The following MELK variants were observed in gnomAD, a reference collection of about 807,000 sequenced individuals.
MELK encodes the protein pEg3 kinase.
Under a neutral mutation model 85.0 loss-of-function variants are expected in MELK, and 81 were observed. The observed-to-expected ratio is 0.95, with a 90% CI of 0.80 to 1.15. MELK has a LOEUF of 1.15. MELK is among the 50% of genes most tolerant of loss of function. The pLI, the probability that MELK is intolerant of heterozygous loss-of-function variation, is 0.00. For missense variants in MELK, 754 were observed against 777.5 expected (o/e 0.97, Z 0.36); for synonymous variants, 252 against 265.0 (o/e 0.95, Z 0.48).
chr9:36,591,534 A>C (rs943800010), intron 4 of MELK, among the ~76,000 whole-genome samples: 1 of 152,118 alleles, frequency 6.6e-6, no homozygotes, highest in Non-Finnish European at 1.5e-5. Flanking sequence ...AGATCATGCC[A>C]CTGCACTCCA....
intron 4 of MELK, 88 bp downstream of exon 4, chr9:36,589,740 AGAG>A: frequency 1.0e-6 from 1 of 954,442 alleles, no homozygotes; most frequent in Non-Finnish European, 1.6e-6. Context: ...AAAGATTAGA[AGAG>A]ATGTTAAGCG....
In MELK at chr9:36,642,331, C is replaced by T. The variant is rs1829829079; in HGVS notation, c.835-666C>T. 2.0e-5 allele frequency among the ~76,000 whole-genome samples: 3 copies of T among 151,478 alleles called. No individual in the cohort carries two copies. The South Asian group carries it at 6.2e-4, about 32-fold the overall frequency. Reference sequence around the variant, plus strand: ...GTTGTATAGCCACTGATTTTAGATGCCTAGGTGGCTGCTCTTTGATGAAAA... The same window carrying T: ...GTTGTATAGCCACTGATTTTAGATGTCTAGGTGGCTGCTCTTTGATGAAAA... On this transcript the variant is annotated intron_variant, in intron 10 of 17. Coordinates refer to ENST00000298048, the MANE Select transcript of MELK (RefSeq NM_014791.4).
intron 17 of MELK, among the ~76,000 whole-genome samples, chr9:36,676,806 G>C (rs73645819): frequency 0.019 from 2,915 of 152,302 alleles, 83 homozygotes; most frequent in African/African-American, 0.063. Context: ...GAATGTTGTG[G>C]AAATGCCCAA....
chr9:36,659,763 G>A (rs1345020565), intron 13 of MELK, among the ~76,000 whole-genome samples: 1 of 152,084 alleles, frequency 6.6e-6, no homozygotes, highest in African/African-American at 2.4e-5. Context: ...GTCAGCTTGA[G>A]GTGAGATCTT....
At chr9:36,600,167 C>T (rs1194748673) in intron 7 of MELK, among the ~76,000 whole-genome samples, 1 of 151,594 alleles carries the variant, frequency 6.6e-6, no homozygotes. Context: ...GATCTTGGCT[C>T]ACTGCAACCT....
chr9:36,654,022 C>CTTATTA (rs1830977400), intron 12 of MELK, among the ~76,000 whole-genome samples: 1 of 62,138 alleles, frequency 1.6e-5, no homozygotes, highest in African/African-American at 6.1e-5. Flanking sequence ...AGGGAGATAT[C>CTTATTA]CTGCATGGTT....
intron 8 of MELK, among the ~76,000 whole-genome samples, chr9:36,608,657 C>T (rs867815105): frequency 3.3e-5 from 5 of 152,058 alleles, no homozygotes; most frequent in African/African-American, 9.7e-5. Context: ...TCTTGGCTCA[C>T]CGCAACCTCT....
At chr9:36,578,816 T>C (rs184372227) in intron 1 of MELK, among the ~76,000 whole-genome samples, 15 of 152,184 alleles carry the variant, frequency 9.9e-5, no homozygotes, top group African/African-American at 3.4e-4. Flanking sequence ...TTATTTTTAT[T>C]TCAGTATTTA....
chr9:36,613,443 G>A lies in MELK; in HGVS notation c.666+5770G>A, dbSNP rs553785347. Among the ~76,000 whole-genome samples, 9 of 152,314 alleles carry A rather than the reference G, an allele frequency of 5.9e-5. No individual in the cohort carries two copies. In the East Asian group the frequency reaches 1.3e-3, roughly 23 times the overall value. On this transcript the variant is annotated intron_variant, in intron 8 of 17. Transcript: ENST00000298048. ...AAACAGATGAAAGATCCCTGTCCTC[G>A]TGGAGTTTATCTTCTAGTAGTGGGG...
At chr9:36,628,444 G>A (rs972681992) in intron 8 of MELK, among the ~76,000 whole-genome samples, 5 of 151,108 alleles carry the variant, frequency 3.3e-5, no homozygotes, top group Non-Finnish European at 7.4e-5. Context: ...TTTTTGAGAC[G>A]GAATCTTGCT....
At chr9:36,604,669 G>A (rs1405870152) in intron 7 of MELK, among the ~76,000 whole-genome samples, 7 of 151,296 alleles carry the variant, frequency 4.6e-5, no homozygotes, top group African/African-American at 4.8e-5. Context: ...TTTGAGACAG[G>A]GTCTCACTCT....
chr9:36,598,889 A>G (rs1269175092), intron 6 of MELK, among the ~76,000 whole-genome samples: 1 of 152,218 alleles, frequency 6.6e-6, no homozygotes, highest in Non-Finnish European at 1.5e-5. Flanking sequence ...GAATCCAGAG[A>G]AGCAGAGACC....
intron 1 of MELK, among the ~76,000 whole-genome samples, chr9:36,578,817 T>A (rs893488291): frequency 1.1e-4 from 16 of 152,088 alleles, no homozygotes; most frequent in African/African-American, 3.6e-4. Flanking sequence ...TATTTTTATT[T>A]CAGTATTTAG....
intron 6 of MELK, among the ~76,000 whole-genome samples, chr9:36,598,764 A>G (rs1340870820): frequency 6.6e-6 from 1 of 152,108 alleles, no homozygotes; most frequent in Non-Finnish European, 1.5e-5. Flanking sequence ...AAAGACGTGG[A>G]TGCTTGGATA....
intron 8 of MELK, among the ~76,000 whole-genome samples, chr9:36,625,733 C>T (rs1305833709): frequency 2.6e-5 from 4 of 151,868 alleles, no homozygotes; most frequent in African/African-American, 9.7e-5. Context: ...CCAGCCTGGC[C>T]AACATGATGA....
intron 7 of MELK, among the ~76,000 whole-genome samples, chr9:36,601,737 C>T (rs1824948687): frequency 6.6e-6 from 1 of 152,194 alleles, no homozygotes; most frequent in African/African-American, 2.4e-5. Flanking sequence ...TCTGCCTACC[C>T]TATTCCCCTG....
At chr9:36,631,899 C>T (rs945963791) in intron 9 of MELK, among the ~76,000 whole-genome samples, 3 of 151,996 alleles carry the variant, frequency 2.0e-5, no homozygotes, top group African/African-American at 2.4e-5. Context: ...TGAGCTCAAG[C>T]GTTCTGCCTG....
chr9:36,676,687 C>T (rs1263305413), intron 17 of MELK, among the ~76,000 whole-genome samples: 13 of 152,300 alleles, frequency 8.5e-5, no homozygotes, highest in Admixed American at 2.0e-4. Flanking sequence ...CAAAAACACA[C>T]GTGCCTTTCT....
At chr9:36,651,452 A>C (rs141716871) in intron 11 of MELK, among the ~76,000 whole-genome samples, 73 of 152,302 alleles carry the variant, frequency 4.8e-4, no homozygotes, top group African/African-American at 1.7e-3. Flanking sequence ...AAATTTATAC[A>C]TATTATCTGA....
Sources: allele counts gnomAD v4.1 joint callset (sites outside exome capture counted in the v4.1 genomes callset), GRCh38; gene constraint gnomAD v4.1.1; transcripts MANE v1.5; gene names NCBI Gene and HGNC (gene_info 2026-07-23, HGNC 2026-07-21).